Variants in ARHGEF5 observed in about 807,000 individuals in gnomAD.
The protein encoded by ARHGEF5 is Rho guanine nucleotide exchange factor (GEF) 5.
Under a neutral mutation model 104.0 loss-of-function variants are expected in ARHGEF5, and 11 were observed. That is an observed-to-expected ratio of 0.11 (90% confidence interval 0.07 to 0.18). The LOEUF (loss-of-function observed/expected upper bound fraction) is 0.18. ARHGEF5 is among the 10% of genes least tolerant of loss of function. The pLI, the probability that ARHGEF5 is intolerant of heterozygous loss-of-function variation, is 1.00. For missense variants in ARHGEF5, 165 were observed against 1,335.4 expected, an observed-to-expected ratio of 0.12 and a Z score of 13.66; for synonymous variants, 60 against 512.2, an observed-to-expected ratio of 0.12 and a Z score of 11.92.
intron 13 of ARHGEF5, among the ~76,000 whole-genome samples, chr7:144,378,555 T>G (rs1376542774): frequency 6.6e-6 from 1 of 152,224 alleles, no homozygotes; most frequent in Admixed American, 6.5e-5. Flanking sequence ...CCGTCTCCTC[T>G]GGAGAAGTGG....
chr7:144,379,456 C>T (rs1419831440), intron 14 of ARHGEF5, among the ~76,000 whole-genome samples: 1 of 152,076 alleles, frequency 6.6e-6, no homozygotes, highest in East Asian at 1.9e-4. Context: ...GCAGTCCACC[C>T]ACCTCGGCCT....
chr7:144,356,863 AG>A (rs1166791746), intron 1 of ARHGEF5, among the ~76,000 whole-genome samples: 2 of 32,832 alleles, frequency 6.1e-5, no homozygotes, highest in African/African-American at 3.7e-4. Context: ...AGAGTGTATC[AG>A]TGCCCTTAAC....
chr7:144,380,239 G>C lies in ARHGEF5; in HGVS notation c.*183G>C, dbSNP rs1484005717. On this transcript the variant is annotated 3_prime_UTR_variant, in exon 15 of 15. Transcript: ENST00000056217. ...TCCTTTCGTGCTTTGTGCTTGGTGG[G>C]GGGGATTTCGAGGGACTTTGCACTG... 3 of 706,154 alleles carry C rather than the reference G, an allele frequency of 4.2e-6. No individual in the cohort carries two copies. The highest frequency in any genetic ancestry group is 1.8e-5 in the African/African-American group (1 of 55,868). The allele number at this position is 706,154 out of a possible 1,614,324, so 43.7% of individuals were successfully genotyped here.
At chr7:144,372,980 C>A (rs1471220803) in intron 9 of ARHGEF5, among the ~76,000 whole-genome samples, 1 of 135,008 alleles carries the variant, frequency 7.4e-6, no homozygotes, top group African/African-American at 2.8e-5. Context: ...CCACCATCAC[C>A]CCCCCATTCA....
chr7:144,357,764 A>G (rs1170059369), intron 1 of ARHGEF5, among the ~76,000 whole-genome samples: 1 of 151,714 alleles, frequency 6.6e-6, no homozygotes, highest in Admixed American at 6.5e-5. Flanking sequence ...TCTGTCACAC[A>G]TTATGTTAAA....
At chr7:144,378,382 C>T (rs1053552848) in intron 13 of ARHGEF5, among the ~76,000 whole-genome samples, 3 of 152,168 alleles carry the variant, frequency 2.0e-5, no homozygotes, top group East Asian at 1.9e-4. Flanking sequence ...AGGCAAAACA[C>T]GTCCATGTAG....
intron 13 of ARHGEF5, among the ~76,000 whole-genome samples, chr7:144,377,620 G>A: frequency 6.6e-6 from 1 of 152,052 alleles, no homozygotes; most frequent in East Asian, 1.9e-4. Flanking sequence ...AGGCTTCTGG[G>A]TGCCCATGGG....
In ARHGEF5 at chr7:144,360,878, G is replaced by C. The variant is rs1485023239; in HGVS notation, c.-12-1780G>C. 2.1e-5 allele frequency among the ~76,000 whole-genome samples: 3 copies of C among 145,376 alleles called. 1 individual carries two copies. The highest frequency in any genetic ancestry group is 4.6e-5 in the Non-Finnish European group (3 of 65,206). On this transcript the variant is annotated intron_variant, in intron 1 of 14. Coordinates refer to ENST00000056217, the MANE Select transcript of ARHGEF5 (RefSeq NM_005435.4). The stretch of plus-strand genomic sequence containing the variant: ...ATTGTATAAATGCTACAAAGGAAAA[G>C]TAAAGAGAATTATAGTTGGTAAGTG...
At chr7:144,377,629 G>A (rs1164916937) in intron 13 of ARHGEF5, among the ~76,000 whole-genome samples, 1 of 152,016 alleles carries the variant, frequency 6.6e-6, no homozygotes, top group Non-Finnish European at 1.5e-5. Context: ...GGTGCCCATG[G>A]GGAGCCACAG....
At position 144,360,957 on chromosome 7, in the gene ARHGEF5, T is replaced by C. The variant is rs2699510; in HGVS notation, c.-12-1701T>C. 2.5e-4 allele frequency among the ~76,000 whole-genome samples: 37 copies of C among 146,010 alleles called. 1 individual carries two copies. Among genetic ancestry groups the C allele is most frequent in the South Asian group, 1.7e-3 (8 of 4,646 alleles). On this transcript the variant is annotated intron_variant, in intron 1 of 14. Coordinates refer to ENST00000056217, the MANE Select transcript of ARHGEF5 (RefSeq NM_005435.4). ...TTAAAAGATCAGGGGAGGCCAGGTG[T>C]GGTGGCTTACGCCTATAATCACAAC...
chr7:144,380,047 G>A lies in ARHGEF5; in HGVS notation c.4785G>A (p.Gln1595=), dbSNP rs768592777. The A allele has an allele frequency of 6.2e-6, 10 of 1,614,088 alleles. No individual in the cohort carries two copies. The African/African-American group carries it at 1.2e-4, about 19-fold the overall frequency. Reference sequence around the variant, plus strand: ...CTGCCAAACTACAGCTGGTGGAACAGCAAGCCTAAGTCTTCTCTGAGAGGA... The same window carrying A: ...CTGCCAAACTACAGCTGGTGGAACAACAAGCCTAAGTCTTCTCTGAGAGGA... The part of the protein sequence containing the change: ...VKTAKLQLVE[Q]QA Residue 1595 remains glutamine (Q), a synonymous_variant, in exon 15 of 15, where the codon CAG becomes CAA. Transcript: ENST00000056217.
At chr7:144,357,995 T>C (rs2053610937) in intron 1 of ARHGEF5, among the ~76,000 whole-genome samples, 1 of 115,686 alleles carries the variant, frequency 8.6e-6, no homozygotes, top group Non-Finnish European at 1.8e-5. Flanking sequence ...TCCTGATGCC[T>C]TTACGTGAGT....
chr7:144,378,314 G>A (rs1587074454), intron 13 of ARHGEF5, among the ~76,000 whole-genome samples: 1 of 152,158 alleles, frequency 6.6e-6, no homozygotes, highest in Non-Finnish European at 1.5e-5. Context: ...TCCACATCTG[G>A]TACTGGGAAG....
rs1041680812 is a variant in ARHGEF5 at position 144,380,143 on chromosome 7, G to A, written c.*87G>A. 21 of 1,532,284 alleles carry A rather than the reference G, an allele frequency of 1.4e-5. No homozygotes were observed. In the Admixed American group the frequency reaches 2.5e-4, roughly 18 times the overall value. The allele number at this position is 1,532,284 out of a possible 1,614,324, so 94.9% of individuals were successfully genotyped here. ...CAGAACCCTGCAAGAGAGGCCTTCT[G>A]TGGATGGAGAACTAGGCCTTCTCAA... On this transcript the variant is annotated 3_prime_UTR_variant, in exon 15 of 15. Transcript: ENST00000056217.
chr7:144,379,949 G>A lies in ARHGEF5; in HGVS notation c.4687G>A (p.Val1563Met), dbSNP rs1163111473. 3.1e-6 allele frequency: 5 copies of A among 1,614,130 alleles called. No individual in the cohort carries two copies. Among genetic ancestry groups the A allele is most frequent in the Admixed American group, 3.3e-5 (2 of 60,010 alleles). ...LSDGERGWFP[V>M]QQVEFISNPE... ...AGACGGGGAGCGAGGCTGGTTTCCT[G>A]TGCAGCAGGTGGAGTTCATTTCCAA... The change falls in exon 15 of 15, where the codon GTG (valine) becomes ATG (methionine). Residue 1563 changes from valine (V) to methionine (M), a missense_variant. Transcript: ENST00000056217.
Position 144,380,062 on chromosome 7 carries a change from C to T in ARHGEF5, c.*6C>T, listed in dbSNP as rs2053790241. 4 of 1,614,118 alleles carry T rather than the reference C, an allele frequency of 2.5e-6. No homozygotes were observed. Among genetic ancestry groups the T allele is most frequent in the Non-Finnish European group, 2.5e-6 (3 of 1,179,994 alleles). Reference sequence around the variant, plus strand: ...TGGTGGAACAGCAAGCCTAAGTCTTCTCTGAGAGGAGTTTCGTGAGCTGAA... The same window carrying T: ...TGGTGGAACAGCAAGCCTAAGTCTTTTCTGAGAGGAGTTTCGTGAGCTGAA... On this transcript the variant is annotated 3_prime_UTR_variant, in exon 15 of 15. Transcript: ENST00000056217.
In ARHGEF5 at chr7:144,363,996, G is replaced by T. The variant is rs753958079; in HGVS notation, c.1327G>T (p.Glu443Ter). 1.2e-5 allele frequency: 17 copies of T among 1,404,400 alleles called. 6 individuals carry two copies. Among genetic ancestry groups the T allele is most frequent in the East Asian group, 9.6e-5 (4 of 41,576 alleles). 87.0% of individuals were successfully genotyped at this position (1,404,400 alleles called of 1,614,324 possible). A position where few individuals can be genotyped will look rare whatever the true frequency, so the allele number is the denominator to read the frequency against. ...GACTCAGACAGAGTCCAGGGCTGAG[G>T]AACTGTCCCCCGCAGCTCTGTCTCC... Reference protein sequence around the residue: ...PGTQTESRAEELSPAALSPSL... With the variant: ...PGTQTESRAE The change falls in exon 2 of 15, where the codon GAA becomes TAA. Residue 443 changes from glutamate (E) to a stop codon, truncating the protein, a stop_gained. Transcript: ENST00000056217. LOFTEE classifies it high-confidence loss of function.
rs1475055533 is a variant in ARHGEF5, at chr7:144,360,622, C to A, written c.-12-2036C>A. ...TTAAAGTTCTGTGTAAACTGTTAATCATGATTTTAGGAAAAGGTGGGCATA... is the reference window on the plus strand; with the variant it reads ...TTAAAGTTCTGTGTAAACTGTTAATAATGATTTTAGGAAAAGGTGGGCATA... On this transcript the variant is annotated intron_variant, in intron 1 of 14. Coordinates refer to ENST00000056217, the MANE Select transcript of ARHGEF5 (RefSeq NM_005435.4). 3.6e-5 allele frequency among the ~76,000 whole-genome samples: 4 copies of A among 111,154 alleles called. No individual in the cohort carries two copies. The East Asian group carries it at 9.5e-4, about 26-fold the overall frequency. The allele number at this position is 111,154 out of a possible 152,430, so 72.9% of individuals were successfully genotyped here. A position where few individuals can be genotyped will look rare whatever the true frequency, so the allele number is the denominator to read the frequency against.
intron 1 of ARHGEF5, among the ~76,000 whole-genome samples, chr7:144,360,732 G>C (rs1381593949): frequency 5.6e-5 from 7 of 124,098 alleles, no homozygotes; most frequent in South Asian, 2.7e-4. Context: ...ACTGAGTATA[G>C]GCCACTATTA....
Sources: allele counts gnomAD v4.1 joint callset (sites outside exome capture counted in the v4.1 genomes callset), GRCh38; gene constraint gnomAD v4.1.1; transcripts MANE v1.5; gene names NCBI Gene and HGNC (gene_info 2026-07-23, HGNC 2026-07-21).